Variants in NBAS observed in about 807,000 individuals in gnomAD.
NBAS encodes NAG/BC035112 fusion.
In NBAS, 219 loss-of-function variants were observed where a neutral mutation model predicts 302.5. The observed-to-expected ratio is 0.72, with a 90% CI of 0.65 to 0.81. The LOEUF (loss-of-function observed/expected upper bound fraction) is 0.81, where lower values mean the gene tolerates loss of function less well. Among genes scored for constraint, NBAS ranks in the 30% least tolerant of loss-of-function variants. NBAS has a pLI of 0.00. For synonymous variants in NBAS, 1,118 were observed against 1,021.6 expected, an observed-to-expected ratio of 1.09 and a Z score of -1.80; for missense variants, 2,932 against 2,841.6, an observed-to-expected ratio of 1.03 and a Z score of -0.72.
intron 48 of NBAS, among the ~76,000 whole-genome samples, chr2:15,204,793 G>A (rs1205008901): frequency 2.0e-5 from 3 of 152,120 alleles, no homozygotes; most frequent in Non-Finnish European, 4.4e-5. Context: ...CTCACTCATA[G>A]GTGGGAATTG....
chr2:14,866,338 T>C, the NBAS span, among the ~76,000 whole-genome samples: 248 of 152,292 alleles, frequency 1.6e-3, 1 homozygote, highest in African/African-American at 5.8e-3. Context: ...CTAGCAATAC[T>C]AGTAATATTT....
intron 5 of NBAS, among the ~76,000 whole-genome samples, chr2:15,552,612 T>C (rs1664431969): frequency 6.6e-6 from 1 of 152,204 alleles, no homozygotes; most frequent in African/African-American, 2.4e-5. Flanking sequence ...ACTGATATAC[T>C]GTTTAAAAAT....
At chr2:15,355,544 C>T (rs997342926) in intron 33 of NBAS, among the ~76,000 whole-genome samples, 29 of 152,118 alleles carry the variant, frequency 1.9e-4, no homozygotes, top group Admixed American at 6.6e-5. Context: ...CCATCCAAAC[C>T]TCATGTTGAA....
chr2:15,211,545 AC>A (rs1393399752), intron 48 of NBAS, among the ~76,000 whole-genome samples: 1 of 152,232 alleles, frequency 6.6e-6, no homozygotes, highest in Non-Finnish European at 1.5e-5. Flanking sequence ...CCAGTGCCCA[AC>A]ATTCACATAC....
chr2:14,786,470 T>G, the NBAS span, among the ~76,000 whole-genome samples: 1 of 152,224 alleles, frequency 6.6e-6, no homozygotes, highest in Non-Finnish European at 1.5e-5. Flanking sequence ...GTGCTATAAA[T>G]TTCCCGCTAC....
chr2:15,085,177 C>T, the NBAS span, among the ~76,000 whole-genome samples: 4 of 152,174 alleles, frequency 2.6e-5, no homozygotes, highest in Admixed American at 6.5e-5. Context: ...CACTTGCACA[C>T]GGAGTGCGGG....
At chr2:14,799,975 A>G in the NBAS span, among the ~76,000 whole-genome samples, 1 of 152,160 alleles carries the variant, frequency 6.6e-6, no homozygotes. Context: ...CTTGTAGTCA[A>G]CATATACTTC....
intron 25 of NBAS, among the ~76,000 whole-genome samples, chr2:15,405,307 C>A (rs949675005): frequency 6.6e-6 from 1 of 152,136 alleles, no homozygotes; most frequent in Non-Finnish European, 1.5e-5. Context: ...TCTTCTTATG[C>A]CATTCTGCAT....
intron 47 of NBAS, among the ~76,000 whole-genome samples, chr2:15,227,599 T>C (rs570578958): frequency 6.6e-6 from 1 of 152,262 alleles, no homozygotes; most frequent in South Asian, 2.1e-4. Flanking sequence ...AACAAAGCTA[T>C]GGTAACCCAA....
chr2:15,457,845 T>C (rs1474824694), intron 21 of NBAS, among the ~76,000 whole-genome samples: 3 of 152,188 alleles, frequency 2.0e-5, no homozygotes, highest in African/African-American at 7.2e-5. Context: ...TCATTTAGGG[T>C]AAAGCTTCAA....
At chr2:14,937,766 A>G in the NBAS span, among the ~76,000 whole-genome samples, 2 of 152,202 alleles carry the variant, frequency 1.3e-5, no homozygotes, top group African/African-American at 2.4e-5. Flanking sequence ...TGCACCATTT[A>G]TCAGAAGTGG....
chr2:15,370,343 G>A (rs1049993624), intron 31 of NBAS, among the ~76,000 whole-genome samples: 2 of 152,068 alleles, frequency 1.3e-5, no homozygotes, highest in Non-Finnish European at 2.9e-5. Flanking sequence ...GCCCAGGCTC[G>A]GGTGCGGTGG....
chr2:15,143,048 G>A, the NBAS span, among the ~76,000 whole-genome samples: 4 of 152,160 alleles, frequency 2.6e-5, no homozygotes, highest in African/African-American at 7.2e-5. Flanking sequence ...TCATCAGCCC[G>A]TTGAAATATG....
the NBAS span, among the ~76,000 whole-genome samples, chr2:14,901,322 G>T: frequency 6.6e-6 from 1 of 152,136 alleles, no homozygotes. Context: ...AGCTTTAGCA[G>T]AGAGAGTTCA....
At position 15,330,727 on chromosome 2, in the gene NBAS, T is replaced by G. The variant is rs761914317; in HGVS notation, c.4218A>C (p.Leu1406=). 2 of 1,614,012 alleles carry G rather than the reference T, an allele frequency of 1.2e-6. No homozygotes were observed. Among genetic ancestry groups the G allele is most frequent in the Non-Finnish European group, 1.7e-6 (2 of 1,179,938 alleles). The change falls in exon 36 of 52, where the codon CTA becomes CTC. Residue 1406 remains leucine, a synonymous_variant. Transcript: ENST00000281513. The stretch of plus-strand genomic sequence containing the variant: ...TGGTGGTAGCAGTGGTCCAGCGCAA[T>G]AGGTCAGCTGAATTGCTACCTGGAA... ...VGVPGSNSAD[L]LRWTTATTMK...
At chr2:15,384,805 T>C (rs1675209578) in intron 28 of NBAS, among the ~76,000 whole-genome samples, 5 of 152,232 alleles carry the variant, frequency 3.3e-5, no homozygotes, top group Non-Finnish European at 1.5e-5. Flanking sequence ...TTGTTTTAAA[T>C]TGGTCAAATA....
intron 47 of NBAS, among the ~76,000 whole-genome samples, chr2:15,231,208 A>C (rs1405672718): frequency 6.6e-6 from 1 of 152,218 alleles, no homozygotes; most frequent in African/African-American, 2.4e-5. Context: ...CGGGGGCCTA[A>C]ATTAGCCACT....
the NBAS span, among the ~76,000 whole-genome samples, chr2:14,906,779 G>A: frequency 2.0e-4 from 31 of 152,248 alleles, no homozygotes; most frequent in Middle Eastern, 0.01. Flanking sequence ...AGTCCTCAAC[G>A]TGGAGAAAAC....
chr2:15,461,190 T>C lies in NBAS; in HGVS notation c.2339+11A>G, dbSNP rs375077333. 4.3e-5 allele frequency: 70 copies of C among 1,612,172 alleles called. No homozygotes were observed. In the African/African-American group the frequency reaches 4.5e-4, roughly 10 times the overall value. ...AAAAGAAGGTAAAATTCTGTTAACATAGTCACATACCAAGCTTCGGGCAGC... is the reference window on the plus strand; with the variant it reads ...AAAAGAAGGTAAAATTCTGTTAACACAGTCACATACCAAGCTTCGGGCAGC... On this transcript the variant is annotated intron_variant, in intron 21 of 51. Transcript: ENST00000281513.
Sources: allele counts gnomAD v4.1 joint callset (sites outside exome capture counted in the v4.1 genomes callset), GRCh38; gene constraint gnomAD v4.1.1; transcripts MANE v1.5; gene names NCBI Gene and HGNC (gene_info 2026-07-23, HGNC 2026-07-21).